Variants in SRRT observed in about 807,000 individuals in gnomAD.
SRRT encodes serrate RNA effector molecule homolog.
In SRRT, 32 loss-of-function variants were observed where a neutral mutation model predicts 103.2. The observed-to-expected ratio is 0.31, with a 90% CI of 0.23 to 0.42. The LOEUF (loss-of-function observed/expected upper bound fraction) is 0.42, where lower values mean the gene tolerates loss of function less well. Among genes scored for constraint, SRRT ranks in the 10% least tolerant of loss-of-function variants. The pLI is 1.00. For missense variants in SRRT, 986 were observed against 1,207.5 expected, an observed-to-expected ratio of 0.82 and a Z score of 2.72; for synonymous variants, 525 against 449.0, an observed-to-expected ratio of 1.17 and a Z score of -2.14.
In SRRT at chr7:100,885,045, G is replaced by A; in HGVS notation, c.1159+5G>A. 1 of 1,613,812 alleles carries A rather than the reference G, an allele frequency of 6.2e-7. No homozygotes were observed. Among genetic ancestry groups the A allele is most frequent in the South Asian group, 1.1e-5 (1 of 91,078 alleles). On this transcript the variant is annotated splice_donor_5th_base_variant and intron_variant, in intron 9 of 19. Coordinates refer to ENST00000611405, the MANE Select transcript of SRRT (RefSeq NM_015908.6). The surrounding 1 kb of genome is among the most constrained non-coding windows in gnomAD (Gnocchi z 4.8). ...AGGAGGAGAAGGAGGAGGCCGGTAG[G>A]GTTTCTTTTCTGCTTTAAAGTGCGT... is the stretch of plus-strand genomic sequence containing the variant.
chr7:100,877,508 A>G (rs966583638), intron 2 of SRRT, among the ~76,000 whole-genome samples: 3 of 150,414 alleles, frequency 2.0e-5, no homozygotes, highest in Non-Finnish European at 4.4e-5. Context: ...TGGACTCTTG[A>G]CTGTACGTCT....
rs1584754485 is a variant in SRRT at position 100,885,899 on chromosome 7, T to C, written c.1416T>C (p.Ser472=). The C allele has an allele frequency of 2.5e-6, 4 of 1,614,108 alleles. No individual in the cohort carries two copies. Among genetic ancestry groups the C allele is most frequent in the Non-Finnish European group, 2.5e-6 (3 of 1,180,022 alleles). The change falls in exon 12 of 20, where the codon AGT becomes AGC. Residue 472 remains serine (S), a synonymous_variant. Transcript: ENST00000611405. This position sits in a 1 kb window ranked among gnomAD's most constrained non-coding sequence, Gnocchi z 4.8. ...GTGGCTGGGTGACCTTCGACCGCAG[T>C]GTTAACATTAAAGAGATCTGTTGGA... ...FRRGWVTFDR[S]VNIKEICWNL... is the part of the protein sequence containing the mutation.
In SRRT at chr7:100,882,406, A is replaced by G. The variant is rs543183848; in HGVS notation, c.587+165A>G. 7.0e-6 allele frequency: 5 copies of G among 716,820 alleles called. No homozygotes were observed. The East Asian group carries it at 1.4e-4, about 20-fold the overall frequency. 44.4% of individuals were successfully genotyped at this position (716,820 alleles called of 1,614,324 possible). A position where few individuals can be genotyped will look rare whatever the true frequency, so the allele number is the denominator to read the frequency against. ...GCTGATGGGGTCTCCCCCTCACTTC[A>G]GCAACTGCCACGGCCCCCGCCCCGC... On this transcript the variant is annotated intron_variant, in intron 5 of 19. Coordinates refer to ENST00000611405, the MANE Select transcript of SRRT (RefSeq NM_015908.6). This position sits in a 1 kb window ranked among gnomAD's most constrained non-coding sequence, Gnocchi z 4.2.
In SRRT at chr7:100,884,823, G is replaced by A. The variant is rs904429919; in HGVS notation, c.1026G>A (p.Glu342=). Residue 342 remains glutamate, a synonymous_variant, in exon 8 of 20, where the codon GAG becomes GAA. Coordinates refer to ENST00000611405, the MANE Select transcript of SRRT (RefSeq NM_015908.6). ...AGGAAGAGAAGAAAGAAGACTCCGA[G>A]AAGGAAGCCAAAAAGGTGAGGTGTC... ...GDKEEKKEDS[E]KEAKKSSKKR... The A allele has an allele frequency of 6.2e-7, 1 of 1,614,090 alleles. No homozygotes were observed. Among genetic ancestry groups the A allele is most frequent in the Non-Finnish European group, 8.5e-7 (1 of 1,180,004 alleles).
intron 5 of SRRT, among the ~76,000 whole-genome samples, chr7:100,883,275 T>G (rs2115816346): frequency 6.6e-6 from 1 of 152,350 alleles, no homozygotes; most frequent in South Asian, 2.1e-4. Context: ...TCCCTGTTGG[T>G]TTTTTTAGTT....
rs781489441 is a variant in SRRT at position 100,886,821 on chromosome 7, G to A, written c.1674G>A (p.Leu558=). The change falls in exon 14 of 20, where the codon TTG becomes TTA. Residue 558 remains leucine (L), a synonymous_variant. Coordinates refer to ENST00000611405, the MANE Select transcript of SRRT (RefSeq NM_015908.6). ...PTSLPSQNPI[L]KNITDYLIEE... ...GCCTGCCCTCGCAAAACCCGATCTT[G>A]AAGAATATCACCGACTACCTGATCG... The A allele has an allele frequency of 2.5e-6, 4 of 1,614,158 alleles. No homozygotes were observed. In the South Asian group the frequency reaches 4.4e-5, roughly 18 times the overall value.
Position 100,882,420 on chromosome 7 carries a change from CCCCCG to C in SRRT, c.587+188_587+192del. On this transcript the variant is annotated intron_variant, in intron 5 of 19. Coordinates refer to ENST00000611405, the MANE Select transcript of SRRT (RefSeq NM_015908.6). The surrounding 1 kb of genome is among the most constrained non-coding windows in gnomAD (Gnocchi z 4.2). ...CCCCTCACTTCAGCAACTGCCACGG[CCCCCG>C]CCCCGCCCTGTCTCCTGTCCTGCTG... 1.6e-6 allele frequency: 1 copy of C among 638,152 alleles called. No individual in the cohort carries two copies. The highest frequency in any genetic ancestry group is 2.0e-5 in the South Asian group (1 of 50,910). The allele number at this position is 638,152 out of a possible 1,614,324, so 39.5% of individuals were successfully genotyped here. A position where few individuals can be genotyped will look rare whatever the true frequency, so the allele number is the denominator to read the frequency against.
rs1815538071 is a variant in SRRT at position 100,875,124 on chromosome 7, G to A, written c.-223G>A. 2 of 159,682 alleles carry A rather than the reference G, an allele frequency of 1.3e-5. No individual in the cohort carries two copies. Among genetic ancestry groups the A allele is most frequent in the South Asian group, 3.2e-4 (2 of 6,168 alleles). 9.9% of individuals were successfully genotyped at this position (159,682 alleles called of 1,614,324 possible). ...GGGTGGAGCTTTGTGCCTCGGAGGC[G>A]TGGGTGACGCAGGCGCAGCGCGGGC... On this transcript the variant is annotated 5_prime_UTR_variant, in exon 1 of 20. It adds an upstream start codon to the 5' untranslated region. Transcript: ENST00000611405.
rs932226753 is a variant in SRRT, at chr7:100,884,175, C to T, written c.693C>T (p.Gly231=). ...LRVFLSLMET[G]WFDNLLLDID... is the part of the protein sequence containing the mutation. ...TCTTCCTGTCCCTCATGGAGACTGG[C>T]TGGTTTGATAACCTTCTCCTGGACA... Residue 231 remains glycine (G), a synonymous_variant, in exon 6 of 20, where the codon GGC becomes GGT. Transcript: ENST00000611405. 5 of 1,614,100 alleles carry T rather than the reference C, an allele frequency of 3.1e-6. No homozygotes were observed. The South Asian group carries it at 5.5e-5, about 18-fold the overall frequency.
chr7:100,883,974 A>AGGG, intron 5 of SRRT, 96 bp from the exon 6 acceptor site: 1 of 1,357,278 alleles, frequency 7.4e-7, no homozygotes, highest in South Asian at 1.5e-5. Context: ...TGTGAGAGGA[A>AGGG]GGGGGATATG....
At position 100,887,590 on chromosome 7, in the gene SRRT, G is replaced by A. The variant is rs866942075; in HGVS notation, c.2169+77G>A. 7.6e-6 allele frequency: 12 copies of A among 1,584,304 alleles called. No homozygotes were observed. In the Middle Eastern group the frequency reaches 5.3e-4, roughly 70 times the overall value. On this transcript the variant is annotated intron_variant, in intron 16 of 19. Transcript: ENST00000611405. The surrounding 1 kb of genome is among the most constrained non-coding windows in gnomAD (Gnocchi z 4.1). ...GACAGGAAGCCCCCTGGGCAGGGGT[G>A]GGGGAACTGCTTACTGCACTGGCAG...
In SRRT at chr7:100,887,665, T is replaced by C. The variant is rs369251322; in HGVS notation, c.2170-38T>C. Reference sequence around the variant, plus strand: ...TCGGGCCTGGGAGCGAGGCAACCCTTATGTGGCTGTCCTGACCCCTCTCCT... The same window carrying C: ...TCGGGCCTGGGAGCGAGGCAACCCTCATGTGGCTGTCCTGACCCCTCTCCT... On this transcript the variant is annotated intron_variant, in intron 16 of 19. Transcript: ENST00000611405. The surrounding 1 kb of genome is among the most constrained non-coding windows in gnomAD (Gnocchi z 4.1). 16 of 1,592,956 alleles carry C rather than the reference T, an allele frequency of 1.0e-5. No individual in the cohort carries two copies. Among genetic ancestry groups the C allele is most frequent in the Non-Finnish European group, 1.4e-5 (16 of 1,164,648 alleles).
chr7:100,883,219 A>G (rs1789741845), intron 5 of SRRT: 1 of 152,232 alleles, frequency 6.6e-6, no homozygotes, highest in Non-Finnish European at 1.5e-5. Context: ...CAGCACCTTC[A>G]TTCTTCTCTG....
chr7:100,887,627 G>C lies in SRRT; in HGVS notation c.2170-76G>C. On this transcript the variant is annotated intron_variant, in intron 16 of 19. Coordinates refer to ENST00000611405, the MANE Select transcript of SRRT (RefSeq NM_015908.6). The surrounding 1 kb of genome is among the most constrained non-coding windows in gnomAD (Gnocchi z 4.1). ...TACTGCACTGGCAGGCGGGAGCTGG[G>C]AATCCTTCCAGCTCGGGCCTGGGAG... The C allele has an allele frequency of 6.3e-7, 1 of 1,576,914 alleles. No individual in the cohort carries two copies. The highest frequency in any genetic ancestry group is 2.3e-5 in the East Asian group (1 of 44,390).
chr7:100,885,147 G>A lies in SRRT; in HGVS notation c.1160-66G>A. 6.2e-7 allele frequency: 1 copy of A among 1,603,668 alleles called. No homozygotes were observed. Among genetic ancestry groups the A allele is most frequent in the Non-Finnish European group, 8.5e-7 (1 of 1,174,058 alleles). The stretch of plus-strand genomic sequence containing the variant: ...GGGTGGCTTTTAGGGGAAAGCTTCT[G>A]TATCCTCCCCACCACAATCAGTAAT... On this transcript the variant is annotated intron_variant, in intron 9 of 19. Transcript: ENST00000611405. This position sits in a 1 kb window ranked among gnomAD's most constrained non-coding sequence, Gnocchi z 4.8.
chr7:100,883,473 G>A (rs1005049278), intron 5 of SRRT, among the ~76,000 whole-genome samples: 3 of 152,072 alleles, frequency 2.0e-5, no homozygotes, highest in African/African-American at 7.2e-5. Flanking sequence ...CTCCCCCTGT[G>A]GGCAGGACCT....
At position 100,888,474 on chromosome 7, in the gene SRRT, G is replaced by T. The variant is rs1790410481; in HGVS notation, c.2556G>T (p.Arg852Ser). 3 of 1,614,116 alleles carry T rather than the reference G, an allele frequency of 1.9e-6. No individual in the cohort carries two copies. Among genetic ancestry groups the T allele is most frequent in the Non-Finnish European group, 2.5e-6 (3 of 1,179,996 alleles). The part of the protein sequence containing the change: ...QGGYPGKPRN[R>S]MVRGDPRAIV... ...TCATCCTGTACCTCTCACCTCACAG[G>T]ATGGTTCGTGGAGACCCAAGGGCCA... The change falls in exon 20 of 20, where the codon AGG becomes AGT. Residue 852 changes from arginine to serine, a missense_variant and splice_region_variant. This residue lies in a region of SRRT where 178 missense variants were observed against 189.6 expected (regional missense o/e 0.94). Coordinates refer to ENST00000611405, the MANE Select transcript of SRRT (RefSeq NM_015908.6).
rs1790235145 is a variant in SRRT at position 100,887,366 on chromosome 7, G to C, written c.2022G>C (p.Leu674=). The change falls in exon 16 of 20, where the codon CTG becomes CTC. Residue 674 remains leucine, a synonymous_variant. Coordinates refer to ENST00000611405, the MANE Select transcript of SRRT (RefSeq NM_015908.6). This position sits in a 1 kb window ranked among gnomAD's most constrained non-coding sequence, Gnocchi z 4.1. ...TTGAGGAGAAGCTCACGCCGTTGCT[G>C]AGTGTGCGGGAGTCACTCTCAGAGG... ...KTFEEKLTPL[L]SVRESLSEEE... is the part of the protein sequence containing the mutation. 1.9e-6 allele frequency: 3 copies of C among 1,614,094 alleles called. No individual in the cohort carries two copies. The highest frequency in any genetic ancestry group is 1.7e-5 in the Admixed American group (1 of 60,002).
At chr7:100,888,009 C>T (rs1031266719) in intron 17 of SRRT, 33 bp from the exon 18 acceptor site, 2 of 1,525,068 alleles carry the variant, frequency 1.3e-6, no homozygotes, top group Non-Finnish European at 1.8e-6. Flanking sequence ...CCCCTCCCCG[C>T]CCCCGCAGTA....
Sources: allele counts gnomAD v4.1 joint callset (sites outside exome capture counted in the v4.1 genomes callset), GRCh38; gene constraint gnomAD v4.1.1; regional missense constraint gnomAD v4.1.1; non-coding constraint Gnocchi (gnomAD v3.1); transcripts MANE v1.5; gene names NCBI Gene and HGNC (gene_info 2026-07-23, HGNC 2026-07-21).